Variants in MGAT5 observed in about 807,000 individuals in gnomAD.
MGAT5 encodes alpha-1,6-mannosylglycoprotein 6-beta-N-acetylglucosaminyltransferase A.
Under a neutral mutation model 94.3 loss-of-function variants are expected in MGAT5, and 30 were observed. The ratio of observed to expected loss-of-function variants is 0.32; its 90% CI spans 0.24 to 0.43. The LOEUF is 0.43. Ranked by LOEUF, MGAT5 falls within the 20% of genes least tolerant of loss-of-function variation. The probability of loss-of-function intolerance (pLI) is 1.00; values close to 1 mark genes in which losing one functional copy is unlikely to be tolerated. For synonymous variants in MGAT5, 310 were observed against 322.9 expected (o/e 0.96, Z 0.43); for missense variants, 691 against 905.5 (o/e 0.76, Z 3.04).
At chr2:134,271,734 A>G (rs13397720) in intron 2 of MGAT5, among the ~76,000 whole-genome samples, 4,339 of 152,324 alleles carry the variant, frequency 0.028, 217 homozygotes, top group African/African-American at 0.097. Flanking sequence ...ATTAAAAATA[A>G]CTTTTAATTA....
At chr2:134,261,080 T>C (rs1187479747) in intron 1 of MGAT5, among the ~76,000 whole-genome samples, 1 of 152,158 alleles carries the variant, frequency 6.6e-6, no homozygotes, top group African/African-American at 2.4e-5. Context: ...AGAAATGTTT[T>C]AGACAGGAGG....
intron 1 of MGAT5, among the ~76,000 whole-genome samples, chr2:134,133,468 G>T (rs954783167): frequency 4.6e-5 from 7 of 152,288 alleles, no homozygotes; most frequent in Non-Finnish European, 1.0e-4. Flanking sequence ...GTGAAGGATG[G>T]TCCCTGGCCC....
intron 13 of MGAT5, among the ~76,000 whole-genome samples, chr2:134,427,381 C>T (rs188177280): frequency 6.6e-5 from 10 of 152,276 alleles, no homozygotes; most frequent in Non-Finnish European, 2.9e-5. Flanking sequence ...ATAGTGTTGG[C>T]AGACACTGTG....
intron 4 of MGAT5, among the ~76,000 whole-genome samples, chr2:134,328,451 T>G (rs956898994): frequency 1.3e-5 from 2 of 152,096 alleles, no homozygotes; most frequent in Non-Finnish European, 2.9e-5. Flanking sequence ...TCAGTCTGGT[T>G]TCTCCTCATT....
In MGAT5 at chr2:134,453,010, A is replaced by G. The variant is rs1394810935; in HGVS notation, c.*4163A>G. 6.6e-6 allele frequency: 1 copy of G among 152,202 alleles called. No individual in the cohort carries two copies. Among genetic ancestry groups the G allele is most frequent in the African/African-American group, 2.4e-5 (1 of 41,444 alleles). 9.4% of individuals were successfully genotyped at this position (152,202 alleles called of 1,614,324 possible). A position where few individuals can be genotyped will look rare whatever the true frequency, so the allele number is the denominator to read the frequency against. ...AGAGTCTTGAATGCAGAAAAAAATTACCCTAGCTTTCTTAGCACTTAGGGT... is the reference window on the plus strand; with the variant it reads ...AGAGTCTTGAATGCAGAAAAAAATTGCCCTAGCTTTCTTAGCACTTAGGGT... On this transcript the variant is annotated 3_prime_UTR_variant, in exon 16 of 16. Coordinates refer to ENST00000281923, the MANE Select transcript of MGAT5 (RefSeq NM_002410.5).
At chr2:134,357,438 G>A (rs1391235629) in intron 9 of MGAT5, among the ~76,000 whole-genome samples, 1 of 152,154 alleles carries the variant, frequency 6.6e-6, no homozygotes, top group Non-Finnish European at 1.5e-5. Context: ...ATTTTGCCTG[G>A]CAAAACAGGA....
intron 11 of MGAT5, among the ~76,000 whole-genome samples, chr2:134,412,337 C>T (rs1482740638): frequency 6.6e-6 from 1 of 152,126 alleles, no homozygotes; most frequent in Non-Finnish European, 1.5e-5. Flanking sequence ...ATTATGAAAA[C>T]CTGTGTTTAC....
rs1686199220 is a variant in MGAT5 at position 134,453,368 on chromosome 2, G to A, written c.*4521G>A. 1 of 151,238 alleles carries A rather than the reference G, an allele frequency of 6.6e-6. No homozygotes were observed. The highest frequency in any genetic ancestry group is 2.5e-5 in the African/African-American group (1 of 40,556). 9.4% of individuals were successfully genotyped at this position (151,238 alleles called of 1,614,324 possible). On this transcript the variant is annotated 3_prime_UTR_variant, in exon 16 of 16. Transcript: ENST00000281923. ...ATGAACTCCAGCTGGAAAAGGTAAA[G>A]GTGACCTTTGGCTAGCCACATACTG...
chr2:134,384,295 G>A (rs143717703), intron 10 of MGAT5, among the ~76,000 whole-genome samples: 100 of 150,220 alleles, frequency 6.7e-4, no homozygotes, highest in African/African-American at 2.2e-3. Context: ...CTCTCTCTCC[G>A]GGCATACAAT....
intron 1 of MGAT5, among the ~76,000 whole-genome samples, chr2:134,220,460 G>C (rs972594375): frequency 6.6e-6 from 1 of 152,140 alleles, no homozygotes; most frequent in Non-Finnish European, 1.5e-5. Context: ...GGGGTTGGTG[G>C]GGGGATGTCT....
intron 7 of MGAT5, among the ~76,000 whole-genome samples, chr2:134,344,301 G>A (rs1159679029): frequency 6.6e-6 from 1 of 152,156 alleles, no homozygotes; most frequent in African/African-American, 2.4e-5. Context: ...CATAGTGCTA[G>A]TTCTGTAATA....
intron 1 of MGAT5, among the ~76,000 whole-genome samples, chr2:134,193,612 C>G (rs1679340225): frequency 6.6e-6 from 1 of 151,894 alleles, no homozygotes; most frequent in Non-Finnish European, 1.5e-5. Context: ...GAGTGAGCCC[C>G]TCTGAGTTTT....
chr2:134,373,225 G>T (rs1386188497), intron 10 of MGAT5, among the ~76,000 whole-genome samples: 1 of 152,230 alleles, frequency 6.6e-6, no homozygotes. Flanking sequence ...GTGTGTGGAA[G>T]CTGTTCTCCA....
intron 1 of MGAT5, among the ~76,000 whole-genome samples, chr2:134,182,205 C>A (rs1291747079): frequency 1.3e-5 from 2 of 152,124 alleles, no homozygotes; most frequent in African/African-American, 4.8e-5. Context: ...GATTATTGAT[C>A]ATTACATGAT....
chr2:134,429,339 G>A (rs1471521220), intron 14 of MGAT5, among the ~76,000 whole-genome samples: 1 of 152,218 alleles, frequency 6.6e-6, no homozygotes, highest in Non-Finnish European at 1.5e-5. Context: ...GCTGCTGTTG[G>A]AGCTGGGAGC....
intron 2 of MGAT5, among the ~76,000 whole-genome samples, chr2:134,285,208 AG>A (rs1034156793): frequency 1.3e-5 from 2 of 152,188 alleles, no homozygotes; most frequent in Non-Finnish European, 2.9e-5. Context: ...GAAAAGAATA[AG>A]GAAAAAAAAG....
rs142571553 is a variant in MGAT5 at position 134,399,873 on chromosome 2, C to CT, written c.1381-3114dup. Among the ~76,000 whole-genome samples the CT allele has an allele frequency of 7.3e-3, 1,111 of 152,258 alleles. 9 individuals carry two copies. Among genetic ancestry groups the CT allele is most frequent in the African/African-American group, 0.025 (1,035 of 41,526 alleles). ...GTGTATGCTGGAAAATGTCTCTTAC[C>CT]TCTAACGCCCTCCCCATTTTGAGCC... On this transcript the variant is annotated intron_variant, in intron 10 of 15. Coordinates refer to ENST00000281923, the MANE Select transcript of MGAT5 (RefSeq NM_002410.5).
intron 11 of MGAT5, among the ~76,000 whole-genome samples, chr2:134,411,450 C>T (rs886367759): frequency 2.6e-5 from 4 of 152,150 alleles, no homozygotes; most frequent in African/African-American, 7.2e-5. Flanking sequence ...ATTGTGATCA[C>T]GCAGTTTTCA....
chr2:134,185,512 T>C (rs1439705156), intron 1 of MGAT5, among the ~76,000 whole-genome samples: 2 of 152,216 alleles, frequency 1.3e-5, no homozygotes, highest in African/African-American at 2.4e-5. Context: ...AAGGAGCTAA[T>C]TGCCATTTTT....
Sources: gnomAD v4.1 joint callset for allele counts (sites outside exome capture counted in the v4.1 genomes callset) on GRCh38, gnomAD v4.1.1 for gene constraint, MANE v1.5 for transcripts, NCBI Gene and HGNC (gene_info 2026-07-23, HGNC 2026-07-21) for gene names.